The following TYW1 variants were observed in gnomAD, a reference collection of about 807,000 sequenced individuals.
TYW1 encodes S-adenosyl-L-methionine-dependent tRNA 4-demethylwyosine synthase TYW1.
In TYW1, 46 loss-of-function variants were observed where a neutral mutation model predicts 96.2. The observed-to-expected ratio is 0.48, with a 90% confidence interval of 0.38 to 0.61. The LOEUF (loss-of-function observed/expected upper bound fraction) is 0.61, where lower values mean the gene tolerates loss of function less well. TYW1 is among the 20% of genes least tolerant of loss of function. The pLI is 0.00. For missense variants in TYW1, 684 were observed against 909.6 expected (o/e 0.75, Z 3.19); for synonymous variants, 274 against 323.0 (o/e 0.85, Z 1.63).
At chr7:67,008,156 G>A (rs1404213889) in intron 3 of TYW1, among the ~76,000 whole-genome samples, 4 of 152,232 alleles carry the variant, frequency 2.6e-5, no homozygotes, top group Non-Finnish European at 4.4e-5. Flanking sequence ...AGGAACGGCC[G>A]AATGGAAGAG....
intron 7 of TYW1, among the ~76,000 whole-genome samples, chr7:67,044,619 C>A (rs1445901424): frequency 1.3e-5 from 2 of 152,028 alleles, no homozygotes; most frequent in Non-Finnish European, 2.9e-5. Flanking sequence ...CGTTCTGTAG[C>A]CAATCTTCTC....
At chr7:67,183,331 G>A in intron 14 of TYW1, 95 bp downstream of exon 14, 1 of 1,030,900 alleles carries the variant, frequency 9.7e-7, no homozygotes, top group Non-Finnish European at 1.4e-6. Context: ...TAAAACTCTA[G>A]AGGTCCCAGG....
At chr7:67,139,092 C>T (rs993891728) in intron 13 of TYW1, among the ~76,000 whole-genome samples, 16 of 152,220 alleles carry the variant, frequency 1.1e-4, no homozygotes, top group South Asian at 2.1e-4. Context: ...CTTGCTCTGT[C>T]GCCCAGGCTG....
At chr7:67,188,570 T>G (rs1308927206) in intron 14 of TYW1, among the ~76,000 whole-genome samples, 1 of 152,080 alleles carries the variant, frequency 6.6e-6, no homozygotes, top group Non-Finnish European at 1.5e-5. Context: ...TAGACAGTAC[T>G]CGGGTTTAAA....
rs150017325 is a variant in TYW1, at chr7:67,017,754, G to A, written c.571-99G>A. 1.2e-3 allele frequency: 1,740 copies of A among 1,496,102 alleles called. 15 individuals are homozygous for A. In the African/African-American group the frequency reaches 0.021, roughly 18 times the overall value. The allele number at this position is 1,496,102 out of a possible 1,614,324, so 92.7% of individuals were successfully genotyped here. ...TTCCTCTTCCTTAGCGGCAGCCCATGACCAGGGGCCTCGGAAGGACTTTGG... is the reference window on the plus strand; with the variant it reads ...TTCCTCTTCCTTAGCGGCAGCCCATAACCAGGGGCCTCGGAAGGACTTTGG... On this transcript the variant is annotated intron_variant, in intron 5 of 15. Coordinates refer to ENST00000359626, the MANE Select transcript of TYW1 (RefSeq NM_018264.4).
chr7:67,155,463 C>T (rs1798938290), intron 13 of TYW1, among the ~76,000 whole-genome samples: 1 of 152,148 alleles, frequency 6.6e-6, no homozygotes, highest in African/African-American at 2.4e-5. Context: ...GAGGCCTCAC[C>T]AGAAGCAGGA....
At chr7:67,195,131 G>C (rs759216509) in intron 14 of TYW1, 39 bp from the exon 15 acceptor site, 2 of 1,601,918 alleles carry the variant, frequency 1.2e-6, no homozygotes, top group Non-Finnish European at 1.7e-6. Flanking sequence ...CATGCAGGTA[G>C]GTCTGTAGTC....
chr7:67,191,540 A>G (rs2116331747), intron 14 of TYW1, among the ~76,000 whole-genome samples: 1 of 139,190 alleles, frequency 7.2e-6, no homozygotes, highest in African/African-American at 2.9e-5. Context: ...CTTCTGATAA[A>G]TGGAGTTGGG....
intron 10 of TYW1, among the ~76,000 whole-genome samples, chr7:67,071,331 A>G (rs1256240714): frequency 6.6e-6 from 1 of 151,324 alleles, no homozygotes; most frequent in East Asian, 1.9e-4. Context: ...CTCAGGGGTC[A>G]GCTAATGATT....
At chr7:67,029,292 A>G (rs1794564108) in intron 7 of TYW1, among the ~76,000 whole-genome samples, 1 of 145,796 alleles carries the variant, frequency 6.9e-6, no homozygotes, top group Non-Finnish European at 1.5e-5. Flanking sequence ...GCTGGCTGAT[A>G]TGGACTTAAG....
At chr7:67,096,508 A>G (rs2711908) in intron 11 of TYW1, among the ~76,000 whole-genome samples, 27 of 152,308 alleles carry the variant, frequency 1.8e-4, no homozygotes, top group Admixed American at 6.5e-4. Context: ...GAGAGAATAT[A>G]TTCTTCAAAA....
intron 13 of TYW1, among the ~76,000 whole-genome samples, chr7:67,180,982 T>C (rs1206064706): frequency 6.6e-6 from 1 of 152,080 alleles, no homozygotes; most frequent in African/African-American, 2.4e-5. Context: ...TGTTGACTAT[T>C]GACTGGAGAA....
intron 12 of TYW1, among the ~76,000 whole-genome samples, chr7:67,105,892 T>A (rs1330244817): frequency 7.0e-6 from 1 of 142,302 alleles, no homozygotes; most frequent in African/African-American, 2.6e-5. Context: ...TATTCTTTTT[T>A]TTTTTTTTTT....
intron 15 of TYW1, among the ~76,000 whole-genome samples, chr7:67,227,398 A>C (rs1801598727): frequency 6.6e-6 from 1 of 152,198 alleles, no homozygotes; most frequent in Non-Finnish European, 1.5e-5. Context: ...CTGGGATTAC[A>C]GGCATGCACC....
chr7:67,035,203 C>G (rs1218319920), intron 7 of TYW1, among the ~76,000 whole-genome samples: 1 of 151,050 alleles, frequency 6.6e-6, no homozygotes, highest in Non-Finnish European at 1.5e-5. Flanking sequence ...ACTGCAACTT[C>G]CGCCTCCCAG....
intron 15 of TYW1, among the ~76,000 whole-genome samples, chr7:67,228,273 G>A (rs762820393): frequency 1.9e-4 from 29 of 152,260 alleles, no homozygotes; most frequent in East Asian, 3.9e-4. Flanking sequence ...CAATCGTGGC[G>A]GAAGGTGAAA....
chr7:67,210,886 A>G (rs1259194841), intron 15 of TYW1, among the ~76,000 whole-genome samples: 1 of 147,662 alleles, frequency 6.8e-6, no homozygotes, highest in Non-Finnish European at 1.5e-5. Context: ...CCATCTGTCC[A>G]TCCATCTATC....
intron 9 of TYW1, among the ~76,000 whole-genome samples, chr7:67,063,645 C>T (rs1343966925): frequency 2.0e-5 from 3 of 151,922 alleles, no homozygotes; most frequent in Non-Finnish European, 1.5e-5. Context: ...GCTCTGTCAC[C>T]CAGGCTGGAG....
chr7:67,066,820 C>G (rs562475502), intron 9 of TYW1, among the ~76,000 whole-genome samples: 1 of 152,166 alleles, frequency 6.6e-6, no homozygotes, highest in Non-Finnish European at 1.5e-5. Context: ...TGCACTCCAG[C>G]CTAAGGAACA....
Sources: gnomAD v4.1 joint callset for allele counts (sites outside exome capture counted in the v4.1 genomes callset) on GRCh38, gnomAD v4.1.1 for gene constraint, MANE v1.5 for transcripts, NCBI Gene and HGNC (gene_info 2026-07-23, HGNC 2026-07-21) for gene names.